The following GFM1 variants were observed in gnomAD, a reference collection of about 807,000 sequenced individuals.
GFM1 encodes the protein G elongation factor mitochondrial 1.
GFM1 carries 62 observed loss-of-function variants against 96.2 expected under a neutral mutation model. That is an observed-to-expected ratio of 0.64 (90% confidence interval 0.53 to 0.80). GFM1 has a LOEUF of 0.80. Ranked by LOEUF, GFM1 falls within the 30% of genes least tolerant of loss-of-function variation. The probability of loss-of-function intolerance (pLI) is 0.00; values close to 1 mark genes in which losing one functional copy is unlikely to be tolerated. For synonymous variants in GFM1, 282 were observed against 312.9 expected (o/e 0.90, Z 1.04); for missense variants, 852 against 916.6 (o/e 0.93, Z 0.91).
chr3:158,653,359 TG>T lies in GFM1; in HGVS notation c.893del (p.Gly298GlufsTer4). On this transcript the variant is annotated frameshift_variant, in exon 7 of 18. Transcript: ENST00000486715. LOFTEE classifies it high-confidence loss of function. Reference sequence around the variant, plus strand: ...AAAAGATCATTTACTCCTGTATTTTTGGGAAGCGCCTTGAAGAACAAAGGAG... The same window carrying T: ...AAAAGATCATTTACTCCTGTATTTTTGGAAGCGCCTTGAAGAACAAAGGAG... ...TLKRSFTPVF[L>X]GSALKNKGVQ... 1 of 1,613,786 alleles carries T rather than the reference TG, an allele frequency of 6.2e-7. No individual in the cohort carries two copies. The highest frequency in any genetic ancestry group is 8.5e-7 in the Non-Finnish European group (1 of 1,179,738).
At chr3:158,680,529 G>A (rs796116921) in intron 13 of GFM1, among the ~76,000 whole-genome samples, 65 of 152,248 alleles carry the variant, frequency 4.3e-4, no homozygotes, top group African/African-American at 1.5e-3. Flanking sequence ...CCCAGCATTT[G>A]TAAGTTAGTT....
intron 13 of GFM1, among the ~76,000 whole-genome samples, chr3:158,677,803 A>G (rs2088244706): frequency 6.6e-6 from 1 of 152,216 alleles, no homozygotes; most frequent in South Asian, 2.1e-4. Flanking sequence ...TGCCTGGCCA[A>G]ACAACAGAGA....
intron 8 of GFM1, chr3:158,657,492 A>T (rs556453715): frequency 2.0e-5 from 3 of 152,296 alleles, no homozygotes; most frequent in Admixed American, 6.5e-5. Flanking sequence ...TTTTATCTTG[A>T]TGAAATAAAT....
intron 16 of GFM1, chr3:158,690,551 ATC>A (rs1385208602): frequency 3.7e-6 from 2 of 535,200 alleles, no homozygotes; most frequent in Non-Finnish European, 6.6e-6. Flanking sequence ...GATGTATATT[ATC>A]TCTCTTTCTT....
At position 158,644,564 on chromosome 3, in the gene GFM1, C is replaced by A. The variant is rs1721575270; in HGVS notation, c.-71C>A. The A allele has an allele frequency of 7.7e-7, 1 of 1,304,386 alleles. No homozygotes were observed. Among genetic ancestry groups the A allele is most frequent in the African/African-American group, 1.5e-5 (1 of 67,438 alleles). 80.8% of individuals were successfully genotyped at this position (1,304,386 alleles called of 1,614,324 possible). A position where few individuals can be genotyped will look rare whatever the true frequency, so the allele number is the denominator to read the frequency against. ...TTGGCTGCCGGCGTGACTTTGACCG[C>A]TTCCCGGTGCGTTACCGGCAGCTGA... On this transcript the variant is annotated 5_prime_UTR_variant, in exon 1 of 18. Transcript: ENST00000486715.
At chr3:158,660,533 A>G (rs911907968) in intron 9 of GFM1, 8 of 298,222 alleles carry the variant, frequency 2.7e-5, no homozygotes, top group Non-Finnish European at 5.2e-5. Flanking sequence ...CAGGCATGAG[A>G]CACCATGCCC....
At chr3:158,682,455 G>A in intron 14 of GFM1, 1 of 324,894 alleles carries the variant, frequency 3.1e-6, no homozygotes, top group South Asian at 3.4e-5. Flanking sequence ...TAGTTCTTAG[G>A]GATTTATAAG....
chr3:158,679,039 C>G (rs1054721870), intron 13 of GFM1, among the ~76,000 whole-genome samples: 1 of 152,190 alleles, frequency 6.6e-6, no homozygotes, highest in African/African-American at 2.4e-5. Context: ...ACAGCCACCT[C>G]AACCTGCAGC....
chr3:158,693,441 G>T lies in GFM1; in HGVS notation c.*1974G>T, dbSNP rs1726438128. The T allele has an allele frequency of 6.6e-6, 1 of 152,090 alleles. No individual in the cohort carries two copies. The highest frequency in any genetic ancestry group is 2.1e-4 in the South Asian group (1 of 4,822). The allele number at this position is 152,090 out of a possible 1,614,324, so 9.4% of individuals were successfully genotyped here. A position where few individuals can be genotyped will look rare whatever the true frequency, so the allele number is the denominator to read the frequency against. ...TTATAATGTTACAGTGTTAGAAAAG[G>T]TCCTAGATATTTAATCCAACACCAG... On this transcript the variant is annotated 3_prime_UTR_variant, in exon 18 of 18. Transcript: ENST00000486715.
At chr3:158,655,519 A>G (rs570081203) in intron 8 of GFM1, among the ~76,000 whole-genome samples, 95 of 152,256 alleles carry the variant, frequency 6.2e-4, no homozygotes, top group African/African-American at 2.2e-3. Flanking sequence ...AGTAATTACA[A>G]TTTGATAAAT....
rs555826040 is a variant in GFM1, at chr3:158,694,121, C to T, written c.*2654C>T. Among the ~76,000 whole-genome samples, 28 of 152,038 alleles carry T rather than the reference C, an allele frequency of 1.8e-4. No homozygotes were observed. The highest frequency in any genetic ancestry group is 6.5e-4 in the African/African-American group (27 of 41,448). ...CGTAAATCATTCTATTATAAAGACACATGCATGCACACATTCATTGCAGAA... is the reference window on the plus strand; with the variant it reads ...CGTAAATCATTCTATTATAAAGACATATGCATGCACACATTCATTGCAGAA... On this transcript the variant is annotated 3_prime_UTR_variant, in exon 18 of 18. Coordinates refer to ENST00000486715, the MANE Select transcript of GFM1 (RefSeq NM_024996.7).
intron 15 of GFM1, among the ~76,000 whole-genome samples, chr3:158,688,766 T>C (rs1161168297): frequency 3.3e-5 from 5 of 152,226 alleles, no homozygotes; most frequent in Non-Finnish European, 5.9e-5. Flanking sequence ...CAGTATCTCT[T>C]TGAGTTCAGT....
At chr3:158,690,348 TC>T in intron 16 of GFM1, 25 bp downstream of exon 16, 2 of 1,606,998 alleles carry the variant, frequency 1.2e-6, no homozygotes, top group South Asian at 2.2e-5. Flanking sequence ...TCATTGGCAG[TC>T]CTGCTTTTAT....
intron 5 of GFM1, 96 bp from the exon 6 acceptor site, chr3:158,652,000 T>TA: frequency 1.8e-6 from 2 of 1,082,196 alleles, no homozygotes; most frequent in South Asian, 1.3e-5. Flanking sequence ...CTTTGTTACC[T>TA]AAAAAAATAT....
chr3:158,652,225 C>T lies in GFM1; in HGVS notation c.819C>T (p.Ile273=). ...GTGAGATGTTTCTGGAAGAAAAAAT[C>T]CCCTCGATTTCTGATTTAAAGGCAA... ...QLGEMFLEEK[I]PSISDLKLAI... is the part of the protein sequence containing the mutation. Residue 273 remains isoleucine, a synonymous_variant, in exon 6 of 18, where the codon ATC becomes ATT. Coordinates refer to ENST00000486715, the MANE Select transcript of GFM1 (RefSeq NM_024996.7). The T allele has an allele frequency of 6.2e-7, 1 of 1,613,986 alleles. No individual in the cohort carries two copies. The highest frequency in any genetic ancestry group is 8.5e-7 in the Non-Finnish European group (1 of 1,179,952).
chr3:158,689,225 A>C (rs1726110605), intron 15 of GFM1, among the ~76,000 whole-genome samples: 1 of 152,236 alleles, frequency 6.6e-6, no homozygotes, highest in African/African-American at 2.4e-5. Flanking sequence ...ATTAAATGGG[A>C]TAAAAATAAA....
In GFM1 at chr3:158,662,704, C is replaced by T; in HGVS notation, c.1380+20C>T. 3 of 1,446,802 alleles carry T rather than the reference C, an allele frequency of 2.1e-6. No homozygotes were observed. In the South Asian group the frequency reaches 3.4e-5, roughly 17 times the overall value. 89.6% of individuals were successfully genotyped at this position (1,446,802 alleles called of 1,614,324 possible). On this transcript the variant is annotated intron_variant, in intron 11 of 17. Coordinates refer to ENST00000486715, the MANE Select transcript of GFM1 (RefSeq NM_024996.7). ...AACAAGGTAGGAGTTTGATTTAAAG[C>T]TCAGTATATCACAATTAAAACTTGA...
chr3:158,660,738 C>T, intron 9 of GFM1, 136 bp from the exon 10 acceptor site: 1 of 736,184 alleles, frequency 1.4e-6, no homozygotes, highest in African/African-American at 1.7e-5. Flanking sequence ...CTAGCTAATT[C>T]ACTATAGAAT....
chr3:158,659,125 A>G, intron 9 of GFM1, 66 bp downstream of exon 9: 1 of 1,547,514 alleles, frequency 6.5e-7, no homozygotes, highest in Non-Finnish European at 8.9e-7. Flanking sequence ...CCTTCTTGGT[A>G]TCCTGAGCCC....
Sources: gnomAD v4.1 joint callset for allele counts (sites outside exome capture counted in the v4.1 genomes callset) on GRCh38, gnomAD v4.1.1 for gene constraint, MANE v1.5 for transcripts, NCBI Gene and HGNC (gene_info 2026-07-23, HGNC 2026-07-21) for gene names.